DHX32: variants seen among roughly 807,000 people sequenced by gnomAD.
DHX32 encodes putative pre-mRNA-splicing factor ATP-dependent RNA helicase DHX32.
A neutral mutation model predicts 70.0 loss-of-function variants in DHX32; 51 were observed. That is an observed-to-expected ratio of 0.73 (90% CI 0.58 to 0.92). The LOEUF (loss-of-function observed/expected upper bound fraction) is 0.92. DHX32 is among the 40% of genes least tolerant of loss of function. The probability of loss-of-function intolerance (pLI) is 0.00; values close to 1 mark genes in which losing one functional copy is unlikely to be tolerated. For synonymous variants in DHX32, 310 were observed against 315.3 expected, an observed-to-expected ratio of 0.98 and a Z score of 0.18; for missense variants, 762 against 891.8, an observed-to-expected ratio of 0.85 and a Z score of 1.85.
Position 125,880,875 on chromosome 10 carries a change from C to CTA in DHX32, c.-53_-52dup. ...CTGACATTCCACAAGCAAGTTTCTCCTATCAGTAACCCATTGCAAACAGGG... is the reference window on the plus strand; with the variant it reads ...CTGACATTCCACAAGCAAGTTTCTCCTATATCAGTAACCCATTGCAAACAGGG... On this transcript the variant is annotated 5_prime_UTR_variant, in exon 1 of 11. Coordinates refer to ENST00000284690, the MANE Select transcript of DHX32 (RefSeq NM_018180.3). The CTA allele has an allele frequency of 6.4e-7, 1 of 1,574,546 alleles. No homozygotes were observed. The highest frequency in any genetic ancestry group is 8.6e-7 in the Non-Finnish European group (1 of 1,163,058).
chr10:125,856,776 T>C lies in DHX32; in HGVS notation c.850-2573A>G, dbSNP rs114717492. On this transcript the variant is annotated intron_variant, in intron 3 of 10. Transcript: ENST00000284690. ...GCCTGGGCAACATAGTTAGACCCCGTCTCTACCAAAAAAAAAACAAAAAAC... is the reference window on the plus strand; with the variant it reads ...GCCTGGGCAACATAGTTAGACCCCGCCTCTACCAAAAAAAAAACAAAAAAC... Among the ~76,000 whole-genome samples, 697 of 151,112 alleles carry C rather than the reference T, an allele frequency of 4.6e-3. 3 individuals carry two copies. The highest frequency in any genetic ancestry group is 0.016 in the African/African-American group (643 of 40,988).
At position 125,866,945 on chromosome 10, in the gene DHX32, G is replaced by T; in HGVS notation, c.476+45C>A. The T allele has an allele frequency of 6.4e-7, 1 of 1,572,184 alleles. No homozygotes were observed. Among genetic ancestry groups the T allele is most frequent in the South Asian group, 1.2e-5 (1 of 85,158 alleles). On this transcript the variant is annotated intron_variant, in intron 2 of 10. Transcript: ENST00000284690. This position sits in a 1 kb window ranked among gnomAD's most constrained non-coding sequence, Gnocchi z 4.8. ...GCTCCTTCAGAATTGTAGAACCTAA[G>T]CCAAGAATCATCAGCAGGGAGCGGA...
At chr10:125,885,391 G>A (rs117315736), upstream of DHX32, among the ~76,000 whole-genome samples, 34 of 152,230 alleles carry the variant, frequency 2.2e-4, no homozygotes, top group East Asian at 1.7e-3. Flanking sequence ...TATCCTGGAC[G>A]ATCCTGGTGA....
intron 1 of DHX32, among the ~76,000 whole-genome samples, chr10:125,871,080 C>A (rs1361660556): frequency 2.0e-5 from 3 of 152,148 alleles, no homozygotes; most frequent in Admixed American, 2.0e-4. Context: ...GAGCCATGTT[C>A]TCAAGCTTCT....
intron 2 of DHX32, among the ~76,000 whole-genome samples, chr10:125,861,824 T>C (rs1039203371): frequency 3.3e-5 from 5 of 152,128 alleles, no homozygotes; most frequent in African/African-American, 1.2e-4. Flanking sequence ...ACCTTAGTTA[T>C]ATGTAAATAA....
intron 1 of DHX32, among the ~76,000 whole-genome samples, chr10:125,892,456 C>A (rs1387636235): frequency 2.0e-5 from 3 of 152,286 alleles, no homozygotes; most frequent in African/African-American, 7.2e-5. Context: ...CCTTAGGTTC[C>A]TTCTGATTTG....
chr10:125,894,299 C>T (rs1463686149), intron 1 of DHX32, among the ~76,000 whole-genome samples: 1 of 152,172 alleles, frequency 6.6e-6, no homozygotes, highest in Non-Finnish European at 1.5e-5. Context: ...ATATCCAAAA[C>T]AATTTCTCTA....
intron 8 of DHX32, 95 bp from the exon 9 acceptor site, chr10:125,839,283 C>G (rs1348102968): frequency 7.6e-7 from 1 of 1,310,400 alleles, no homozygotes; most frequent in Non-Finnish European, 1.0e-6. Context: ...GCCCTGTGCT[C>G]TCCTCTCCTA....
chr10:125,858,500 C>A (rs1055141606), intron 3 of DHX32, among the ~76,000 whole-genome samples: 3 of 152,116 alleles, frequency 2.0e-5, no homozygotes, highest in Non-Finnish European at 4.4e-5. Context: ...GAAACAGATA[C>A]ATTTAAGAAA....
At chr10:125,878,831 C>T (rs185357706) in intron 1 of DHX32, among the ~76,000 whole-genome samples, 63 of 151,888 alleles carry the variant, frequency 4.1e-4, no homozygotes, top group African/African-American at 1.5e-3. Flanking sequence ...GCCTCAGCCT[C>T]CCAAGGAGCT....
chr10:125,873,742 A>G (rs1944268761), intron 1 of DHX32, among the ~76,000 whole-genome samples: 2 of 152,280 alleles, frequency 1.3e-5, no homozygotes, highest in East Asian at 3.9e-4. Context: ...ATCAGAATCC[A>G]TTACTGAGGA....
chr10:125,843,999 G>A (rs1225255076), intron 6 of DHX32, among the ~76,000 whole-genome samples: 1 of 152,160 alleles, frequency 6.6e-6, no homozygotes, highest in Non-Finnish European at 1.5e-5. Context: ...AGAAGCTTAT[G>A]GCTTCTCAGA....
At chr10:125,888,643 C>G (rs1180948490) in intron 1 of DHX32, among the ~76,000 whole-genome samples, 23 of 152,308 alleles carry the variant, frequency 1.5e-4, no homozygotes, top group Non-Finnish European at 2.5e-4. Context: ...GTTATTATAT[C>G]TAAAACTCAG....
chr10:125,853,896 G>A, intron 4 of DHX32, 65 bp downstream of exon 4: 1 of 1,553,416 alleles, frequency 6.4e-7, no homozygotes, highest in Non-Finnish European at 8.7e-7. Flanking sequence ...TAAAATGGTA[G>A]GAAACTGAGA....
intron 1 of DHX32, among the ~76,000 whole-genome samples, chr10:125,892,949 C>T (rs987028766): frequency 6.6e-6 from 1 of 152,158 alleles, no homozygotes; most frequent in Non-Finnish European, 1.5e-5. Flanking sequence ...TATTATTACC[C>T]TACTTAAATT....
chr10:125,860,397 A>G (rs1272626959), intron 2 of DHX32, among the ~76,000 whole-genome samples: 1 of 152,236 alleles, frequency 6.6e-6, no homozygotes, highest in East Asian at 1.9e-4. Flanking sequence ...TTTTCAAGGA[A>G]AGGATACAAG....
rs776876693 is a variant in DHX32, at chr10:125,854,210, A to G, written c.850-7T>C. On this transcript the variant is annotated splice_polypyrimidine_tract_variant and splice_region_variant and intron_variant, in intron 3 of 10. Transcript: ENST00000284690. ...CACAGACTTTCTCAATATCCTAAAG[A>G]AAAAAAAACCCATGAAAATAAAATA... 1 of 1,565,558 alleles carries G rather than the reference A, an allele frequency of 6.4e-7. No individual in the cohort carries two copies. The highest frequency in any genetic ancestry group is 8.6e-7 in the Non-Finnish European group (1 of 1,163,554).
chr10:125,853,436 A>G, intron 4 of DHX32: 1 of 317,898 alleles, frequency 3.1e-6, no homozygotes, highest in South Asian at 1.2e-4. Context: ...TTTAAAAGTA[A>G]TAAAGAATAT....
At chr10:125,873,089 T>C (rs1944264975) in intron 1 of DHX32, among the ~76,000 whole-genome samples, 1 of 152,072 alleles carries the variant, frequency 6.6e-6, no homozygotes, top group Admixed American at 6.5e-5. Flanking sequence ...AGATCTCCTA[T>C]AAGAATCTGC....
Sources: allele counts gnomAD v4.1 joint callset (sites outside exome capture counted in the v4.1 genomes callset), GRCh38; gene constraint gnomAD v4.1.1; non-coding constraint Gnocchi (gnomAD v3.1); transcripts MANE v1.5; gene names NCBI Gene and HGNC (gene_info 2026-07-23, HGNC 2026-07-21).